Variants in PRKDC observed in about 807,000 individuals in gnomAD.
The protein encoded by PRKDC is DNA-dependent protein kinase catalytic subunit.
Under a neutral mutation model 486.9 loss-of-function variants are expected in PRKDC, and 82 were observed. That is an observed-to-expected ratio of 0.17 (90% CI 0.14 to 0.20). PRKDC has a LOEUF of 0.20. Among genes scored for constraint, PRKDC ranks in the 10% least tolerant of loss-of-function variants. The probability of loss-of-function intolerance (pLI) is 1.00; values close to 1 mark genes in which losing one functional copy is unlikely to be tolerated. For synonymous variants in PRKDC, 1,895 were observed against 1,837.0 expected (o/e 1.03, Z -0.81); for missense variants, 4,504 against 5,038.2 (o/e 0.89, Z 3.21).
In PRKDC at chr8:47,954,558, T is replaced by C. The variant is rs547841714; in HGVS notation, c.400-112A>G. 1.9e-5 allele frequency: 8 copies of C among 422,562 alleles called. No homozygotes were observed. The South Asian group carries it at 2.0e-4, about 11-fold the overall frequency. The allele number at this position is 422,562 out of a possible 1,614,324, so 26.2% of individuals were successfully genotyped here. On this transcript the variant is annotated intron_variant, in intron 4 of 85. Transcript: ENST00000314191. The stretch of plus-strand genomic sequence containing the variant: ...AAATAACGGGATTCCTCTATCTCAG[T>C]GCATCTGTCCACAGCAAAGGTTCAG...
intron 21 of PRKDC, among the ~76,000 whole-genome samples, chr8:47,925,933 T>A (rs1272555807): frequency 6.6e-6 from 1 of 152,224 alleles, no homozygotes; most frequent in Non-Finnish European, 1.5e-5. Flanking sequence ...CTAACTTCTG[T>A]CTCTAACATG....
intron 38 of PRKDC, among the ~76,000 whole-genome samples, chr8:47,880,680 A>G (rs1432941340): frequency 6.6e-6 from 1 of 152,228 alleles, no homozygotes; most frequent in Non-Finnish European, 1.5e-5. Context: ...AAGTCATTAT[A>G]GCACAAAAAG....
At chr8:47,943,446 T>A in intron 9 of PRKDC, 80 bp from the exon 10 acceptor site, 1 of 1,409,886 alleles carries the variant, frequency 7.1e-7, no homozygotes, top group Non-Finnish European at 9.5e-7. Context: ...CAGGGATATG[T>A]CAAAGTCAAC....
chr8:47,804,530 C>T (rs552943901), intron 69 of PRKDC, among the ~76,000 whole-genome samples: 4 of 152,178 alleles, frequency 2.6e-5, no homozygotes, highest in African/African-American at 7.2e-5. Context: ...AAACTCCTGA[C>T]GTCAAGTGAT....
intron 60 of PRKDC, 46 bp downstream of exon 60, chr8:47,831,768 G>T (rs1415625568): frequency 6.3e-7 from 1 of 1,584,014 alleles, no homozygotes; most frequent in Non-Finnish European, 8.7e-7. Flanking sequence ...TGTATCCTGT[G>T]ACAGAAACTG....
intron 4 of PRKDC, 118 bp downstream of exon 4, chr8:47,955,756 A>T: frequency 1.4e-6 from 1 of 739,582 alleles, no homozygotes; most frequent in Non-Finnish European, 2.2e-6. Context: ...CCACACATCA[A>T]TGTGATTAGA....
At chr8:47,860,128 T>C (rs116679067) in intron 45 of PRKDC, among the ~76,000 whole-genome samples, 129 of 152,228 alleles carry the variant, frequency 8.5e-4, no homozygotes, top group African/African-American at 3.0e-3. Flanking sequence ...CCAAAACACC[T>C]AAGAGATTTA....
intron 80 of PRKDC, among the ~76,000 whole-genome samples, chr8:47,779,728 T>G (rs1417240805): frequency 6.6e-6 from 1 of 152,114 alleles, no homozygotes; most frequent in South Asian, 2.1e-4. Flanking sequence ...TAGCTGGGAT[T>G]ACAGGCAAAT....
At chr8:47,925,773 CACAA>C in intron 21 of PRKDC, among the ~76,000 whole-genome samples, 1 of 152,288 alleles carries the variant, frequency 6.6e-6, no homozygotes, top group Non-Finnish European at 1.5e-5. Context: ...TAAAAACATG[CACAA>C]ACACACAATA....
At chr8:47,888,331 TTCA>T (rs1366049020) in intron 34 of PRKDC, among the ~76,000 whole-genome samples, 184 bp downstream of exon 34, 1 of 152,212 alleles carries the variant, frequency 6.6e-6, no homozygotes, top group Non-Finnish European at 1.5e-5. Flanking sequence ...TACATTTGCT[TTCA>T]TATTTATATT....
intron 59 of PRKDC, among the ~76,000 whole-genome samples, chr8:47,833,276 G>A (rs1035341919): frequency 2.0e-5 from 3 of 152,162 alleles, no homozygotes; most frequent in South Asian, 2.1e-4. Context: ...CAGTTCCTAC[G>A]ATTAGATAAG....
chr8:47,789,346 A>AC, intron 74 of PRKDC, 108 bp from the exon 75 acceptor site: 5 of 305,064 alleles, frequency 1.6e-5, no homozygotes, highest in Non-Finnish European at 2.8e-5. Flanking sequence ...TATATAAAAT[A>AC]ATGTATGTTA....
In PRKDC at chr8:47,960,095, G is replaced by A; in HGVS notation, c.32C>T (p.Ser11Phe). Residue 11 changes from serine (S) to phenylalanine (F), a missense_variant, in exon 1 of 86, where the codon TCC becomes TTC. By Grantham distance (155) the Ser-to-Phe change is radical. Coordinates refer to ENST00000314191, the MANE Select transcript of PRKDC (RefSeq NM_006904.7). ...CAAGGTCTCCTGCAGCCGCAGCAGG[G>A]AGCAACGCACACCGGCTCCGGAGCC... MAGSGAGVRC[S>F]LLRLQETLSA... The A allele has an allele frequency of 6.6e-7, 1 of 1,525,368 alleles. No individual in the cohort carries two copies. Among genetic ancestry groups the A allele is most frequent in the Non-Finnish European group, 8.8e-7 (1 of 1,142,046 alleles). 94.5% of individuals were successfully genotyped at this position (1,525,368 alleles called of 1,614,324 possible).
In PRKDC at chr8:47,957,371, G is replaced by T; in HGVS notation, c.215C>A (p.Ser72Ter). ...DFGLLVFVRK[S>*]LNSIEFRECR... ...TCAACTTACTTCAATACTGTTGAGT[G>T]ACTTCCGGACAAATACAAGCAAACC... Residue 72 changes from serine to a stop codon, truncating the protein, a stop_gained, in exon 2 of 86, where the codon TCA becomes TAA. Transcript: ENST00000314191. LOFTEE classifies it high-confidence loss of function. 6.3e-7 allele frequency: 1 copy of T among 1,598,010 alleles called. No homozygotes were observed. The highest frequency in any genetic ancestry group is 1.1e-5 in the South Asian group (1 of 88,592).
Position 47,857,235 on chromosome 8 carries a change from T to C in PRKDC, c.6530A>G (p.Asn2177Ser), listed in dbSNP as rs746404556. 4.2e-5 allele frequency: 68 copies of C among 1,613,914 alleles called. No homozygotes were observed. The highest frequency in any genetic ancestry group is 5.5e-5 in the Non-Finnish European group (65 of 1,179,892). ...CATGTAGTGAATTCCTTCTCCTCCA[T>C]TGTTTTCAGAAGCAGCCAGCTGCAG... Reference protein sequence around the residue: ...PLLQLAASENNGGEGIHYMVV... With the variant: ...PLLQLAASENSGGEGIHYMVV... The change falls in exon 49 of 86, where the codon AAT becomes AGT. Residue 2177 changes from asparagine to serine, a missense_variant. Physicochemically the swap from Asn to Ser is conservative, Grantham distance 46. Coordinates refer to ENST00000314191, the MANE Select transcript of PRKDC (RefSeq NM_006904.7).
chr8:47,860,946 T>C lies in PRKDC; in HGVS notation c.6011A>G (p.Tyr2004Cys), dbSNP rs778366546. 6.2e-7 allele frequency: 1 copy of C among 1,607,112 alleles called. No homozygotes were observed. The highest frequency in any genetic ancestry group is 1.1e-5 in the South Asian group (1 of 89,258). Residue 2004 changes from tyrosine to cysteine, a missense_variant, in exon 45 of 86, where the codon TAC becomes TGC. By Grantham distance (194) the Tyr-to-Cys change is radical. Around this residue, in one of 6 missense-constraint regions of PRKDC, gnomAD observed 1,592 missense variants for 1,724.6 expected, o/e 0.92. Transcript: ENST00000314191. ...VEVPMERKKK[Y>C]IEIRKEAREA... is the part of the protein sequence containing the mutation. ...TCTGGCTTCTTTCCTAATTTCAATG[T>C]ACTTTTTCTTTCTTTCCATAGGAAC...
chr8:47,954,397 C>T lies in PRKDC; in HGVS notation c.449G>A (p.Gly150Glu), dbSNP rs752791562. ...SSRLMDEFKI[G>E]ELFSKFYGEL... ...TCCATAGAATTTACTAAATAATTCTCCAATTTTAAATTCATCCATGAGTCT... is the reference window on the plus strand; with the variant it reads ...TCCATAGAATTTACTAAATAATTCTTCAATTTTAAATTCATCCATGAGTCT... The change falls in exon 5 of 86, where the codon GGA (glycine) becomes GAA (glutamate). Residue 150 changes from glycine (G) to glutamate (E), a missense_variant. Coordinates refer to ENST00000314191, the MANE Select transcript of PRKDC (RefSeq NM_006904.7). 1.4e-6 allele frequency: 2 copies of T among 1,379,426 alleles called. No homozygotes were observed. Among genetic ancestry groups the T allele is most frequent in the Non-Finnish European group, 2.0e-6 (2 of 1,017,734 alleles). 85.4% of individuals were successfully genotyped at this position (1,379,426 alleles called of 1,614,324 possible).
chr8:47,834,923 C>T (rs963269296), intron 58 of PRKDC, among the ~76,000 whole-genome samples: 1 of 151,998 alleles, frequency 6.6e-6, no homozygotes, highest in African/African-American at 2.4e-5. Context: ...ATCTCCTGAC[C>T]TCGTGATCCG....
At chr8:47,937,546 T>C (rs1404083868) in intron 11 of PRKDC, among the ~76,000 whole-genome samples, 2 of 152,174 alleles carry the variant, frequency 1.3e-5, no homozygotes, top group African/African-American at 4.8e-5. Context: ...TGCGCTAATG[T>C]AATTGCTCAA....
Sources: allele counts gnomAD v4.1 joint callset (sites outside exome capture counted in the v4.1 genomes callset), GRCh38; gene constraint gnomAD v4.1.1; regional missense constraint gnomAD v4.1.1; transcripts MANE v1.5; gene names NCBI Gene and HGNC (gene_info 2026-07-23, HGNC 2026-07-21).